The following BLTP3A variants were observed in gnomAD, a reference collection of about 807,000 sequenced individuals.
BLTP3A encodes the protein ICBP90 binding protein 1.
the BLTP3A span, chr6:34,856,500 T>G: frequency 6.8e-7 from 1 of 1,480,934 alleles, no homozygotes; most frequent in Non-Finnish European, 9.1e-7. Context: ...AACTAGCTAA[T>G]TATCCCAGCT....
the BLTP3A span, among the ~76,000 whole-genome samples, chr6:34,794,872 A>G: frequency 2.7e-5 from 4 of 150,642 alleles, no homozygotes; most frequent in African/African-American, 9.8e-5. Context: ...GCAACCTCCA[A>G]CTACCGGGTT....
the BLTP3A span, among the ~76,000 whole-genome samples, chr6:34,838,189 A>T: frequency 7.5e-4 from 115 of 152,368 alleles, no homozygotes; most frequent in African/African-American, 2.6e-3. Context: ...ATCTTGAAGT[A>T]CAATACACCA....
chr6:34,858,259 T>C, the BLTP3A span: 1 of 1,614,222 alleles, frequency 6.2e-7, no homozygotes, highest in Admixed American at 1.7e-5. Context: ...CCAGAGTCTC[T>C]TCCGGGGTTT....
the BLTP3A span, among the ~76,000 whole-genome samples, chr6:34,839,234 G>A: frequency 3.9e-5 from 6 of 152,158 alleles, no homozygotes; most frequent in African/African-American, 1.4e-4. Flanking sequence ...TGGGCAACAA[G>A]AACAAAACTC....
chr6:34,835,798 T>C, the BLTP3A span, among the ~76,000 whole-genome samples: 1 of 152,152 alleles, frequency 6.6e-6, no homozygotes, highest in Non-Finnish European at 1.5e-5. Flanking sequence ...CAATATGCCA[T>C]GAGAGCACAA....
chr6:34,801,938 C>T, the BLTP3A span, among the ~76,000 whole-genome samples: 5 of 152,006 alleles, frequency 3.3e-5, no homozygotes, highest in Non-Finnish European at 7.4e-5. Context: ...GGAGTTTCAT[C>T]GTGTTAGCCA....
At chr6:34,843,331 G>GA in the BLTP3A span, among the ~76,000 whole-genome samples, 4 of 151,822 alleles carry the variant, frequency 2.6e-5, no homozygotes, top group African/African-American at 9.7e-5. Flanking sequence ...ATACAATTCA[G>GA]AAAATAGTTT....
the BLTP3A span, among the ~76,000 whole-genome samples, chr6:34,823,798 A>AGCCCTGGG: frequency 5.3e-4 from 81 of 151,538 alleles, no homozygotes; most frequent in African/African-American, 2.0e-3. Context: ...GCCTCCCCAA[A>AGCCCTGGG]GCCCTGGGAT....
chr6:34,870,731 G>C, the BLTP3A span: 9 of 1,303,572 alleles, frequency 6.9e-6, no homozygotes, highest in Non-Finnish European at 9.3e-6. Context: ...CTGTGACTTC[G>C]TTCAGTCAGA....
At chr6:34,847,764 G>GT in the BLTP3A span, among the ~76,000 whole-genome samples, 210 of 132,072 alleles carry the variant, frequency 1.6e-3, 1 homozygote, top group African/African-American at 4.5e-3. Context: ...CTTTTCTATT[G>GT]TTTTTTTTTC....
chr6:34,859,087 T>C, the BLTP3A span: 4 of 1,614,180 alleles, frequency 2.5e-6, no homozygotes, highest in Middle Eastern at 1.6e-4. Flanking sequence ...GCTATCTCCT[T>C]CAGAGGATCG....
chr6:34,834,472 G>A, the BLTP3A span: 4 of 1,582,842 alleles, frequency 2.5e-6, no homozygotes, highest in Non-Finnish European at 3.4e-6. Context: ...GATTCTTAAA[G>A]GATATTATTC....
chr6:34,847,508 G>A, the BLTP3A span, among the ~76,000 whole-genome samples: 1 of 151,822 alleles, frequency 6.6e-6, no homozygotes, highest in Non-Finnish European at 1.5e-5. Context: ...TTCGGGTTTT[G>A]GATTTCTTCA....
At chr6:34,831,294 ATT>A in the BLTP3A span, among the ~76,000 whole-genome samples, 2 of 151,838 alleles carry the variant, frequency 1.3e-5, no homozygotes, top group African/African-American at 2.4e-5. Context: ...CGCCCAGCTA[ATT>A]TTTGTATTTT....
the BLTP3A span, among the ~76,000 whole-genome samples, chr6:34,832,159 A>C: frequency 6.9e-6 from 1 of 144,140 alleles, no homozygotes. Flanking sequence ...TCACTCTGTC[A>C]CTCAGGTTGG....
chr6:34,856,943 G>A, the BLTP3A span: 1 of 1,607,364 alleles, frequency 6.2e-7, no homozygotes, highest in Non-Finnish European at 8.5e-7. Flanking sequence ...AGGACATGAG[G>A]AAACATGGTT....
At chr6:34,801,201 A>G in the BLTP3A span, among the ~76,000 whole-genome samples, 1 of 152,300 alleles carries the variant, frequency 6.6e-6, no homozygotes, top group East Asian at 1.9e-4. Context: ...ATGGCAATCA[A>G]TGTATTTAAG....
the BLTP3A span, among the ~76,000 whole-genome samples, chr6:34,838,278 A>T: frequency 6.6e-6 from 1 of 152,192 alleles, no homozygotes; most frequent in African/African-American, 2.4e-5. Context: ...CACAAAATCC[A>T]TTTTTATATA....
At chr6:34,852,854 G>A in the BLTP3A span, among the ~76,000 whole-genome samples, 3 of 152,316 alleles carry the variant, frequency 2.0e-5, no homozygotes, top group Middle Eastern at 3.4e-3. Flanking sequence ...ATAACCTCCG[G>A]ATGGATGATT....
Sources: gnomAD v4.1 joint callset for allele counts (sites outside exome capture counted in the v4.1 genomes callset) on GRCh38, gnomAD v4.1.1 for gene constraint, MANE v1.5 for transcripts, NCBI Gene and HGNC (gene_info 2026-07-23, HGNC 2026-07-21) for gene names.